The following SLC25A13 variants were observed in gnomAD, a reference collection of about 807,000 sequenced individuals.
SLC25A13 encodes solute carrier family 25 member 13.
Under a neutral mutation model 85.5 loss-of-function variants are expected in SLC25A13, and 70 were observed. That is an observed-to-expected ratio of 0.82 (90% CI 0.68 to 1.00). SLC25A13 has a LOEUF of 1.00. Ranked by LOEUF, SLC25A13 falls within the 50% of genes least tolerant of loss-of-function variation. The pLI, the probability that SLC25A13 is intolerant of heterozygous loss-of-function variation, is 0.00. For missense variants in SLC25A13, 765 were observed against 819.8 expected (o/e 0.93, Z 0.82); for synonymous variants, 259 against 288.7 (o/e 0.90, Z 1.04).
chr7:96,302,771 G>A (rs1799598074), intron 1 of SLC25A13, among the ~76,000 whole-genome samples: 1 of 152,124 alleles, frequency 6.6e-6, no homozygotes, highest in Non-Finnish European at 1.5e-5. Flanking sequence ...AAAGTGTGGA[G>A]ACCATCAGCA....
chr7:96,234,491 T>C (rs1796670550), intron 4 of SLC25A13, among the ~76,000 whole-genome samples: 1 of 151,976 alleles, frequency 6.6e-6, no homozygotes, highest in Non-Finnish European at 1.5e-5. Context: ...GCACTACTGA[T>C]GATGCAGGGA....
intron 2 of SLC25A13, among the ~76,000 whole-genome samples, chr7:96,291,279 A>C (rs1272500966): frequency 6.6e-6 from 1 of 152,218 alleles, no homozygotes. Context: ...CATTTAAAGC[A>C]GTGTGTAGAG....
intron 8 of SLC25A13, 64 bp from the exon 9 acceptor site, chr7:96,189,442 T>C: frequency 6.4e-7 from 1 of 1,567,562 alleles, no homozygotes; most frequent in South Asian, 1.1e-5. Flanking sequence ...CATTATAAAA[T>C]TTAAAAACAT....
At chr7:96,234,658 A>G (rs545683926) in intron 4 of SLC25A13, 144 bp downstream of exon 4, 1 of 633,102 alleles carries the variant, frequency 1.6e-6, no homozygotes, top group Non-Finnish European at 2.8e-6. Context: ...GAGCTCCAAA[A>G]CATTGAAGTA....
chr7:96,215,419 C>G (rs1469059945), intron 4 of SLC25A13, among the ~76,000 whole-genome samples: 3 of 152,050 alleles, frequency 2.0e-5, no homozygotes, highest in African/African-American at 7.2e-5. Flanking sequence ...AAGCTTACTA[C>G]AAAGCTAGAG....
chr7:96,242,368 C>G (rs1421324597), intron 3 of SLC25A13, among the ~76,000 whole-genome samples: 9 of 152,182 alleles, frequency 5.9e-5, no homozygotes, highest in Non-Finnish European at 1.3e-4. Context: ...TATAGCTCTT[C>G]TCTTTCCCGC....
intron 3 of SLC25A13, among the ~76,000 whole-genome samples, chr7:96,269,808 C>T (rs1474828022): frequency 6.6e-6 from 1 of 152,186 alleles, no homozygotes; most frequent in Non-Finnish European, 1.5e-5. Flanking sequence ...TCACTTGTGA[C>T]AATATGGATG....
At chr7:96,161,595 C>G (rs900206407) in intron 13 of SLC25A13, among the ~76,000 whole-genome samples, 1 of 152,132 alleles carries the variant, frequency 6.6e-6, no homozygotes, top group Non-Finnish European at 1.5e-5. Flanking sequence ...TGTCTCAGTT[C>G]AGCCATTTAC....
chr7:96,209,727 G>A (rs927290671), intron 4 of SLC25A13, among the ~76,000 whole-genome samples: 3 of 151,968 alleles, frequency 2.0e-5, no homozygotes, highest in African/African-American at 7.2e-5. Flanking sequence ...AGGACTGACA[G>A]AGAAAAAACA....
At chr7:96,205,581 C>A (rs571955066) in intron 5 of SLC25A13, among the ~76,000 whole-genome samples, 1 of 152,310 alleles carries the variant, frequency 6.6e-6, no homozygotes, top group African/African-American at 2.4e-5. Flanking sequence ...AAGAAGACTA[C>A]AGGAAGGAGG....
intron 5 of SLC25A13, among the ~76,000 whole-genome samples, chr7:96,194,442 C>CAAAAAAAAAA (rs546248549): frequency 0.052 from 1,448 of 27,676 alleles, 353 homozygotes; most frequent in East Asian, 0.15. Flanking sequence ...AACCTTGTCT[C>CAAAAAAAAAA]AAAAAAAAAA....
chr7:96,239,611 C>T (rs769333731), intron 3 of SLC25A13, among the ~76,000 whole-genome samples: 11 of 152,006 alleles, frequency 7.2e-5, no homozygotes, highest in Non-Finnish European at 1.6e-4. Context: ...ATCTAAGGAA[C>T]AGTATTTGCC....
chr7:96,235,972 G>A (rs1796726234), intron 3 of SLC25A13, among the ~76,000 whole-genome samples: 1 of 152,130 alleles, frequency 6.6e-6, no homozygotes, highest in Non-Finnish European at 1.5e-5. Flanking sequence ...ATGATACATT[G>A]AGATACTCCA....
chr7:96,241,037 GGAAA>G (rs200466951), intron 3 of SLC25A13, among the ~76,000 whole-genome samples: 12,690 of 80,632 alleles, frequency 0.16, 1,323 homozygotes, highest in East Asian at 0.2. Context: ...AAGAAAGAAA[GGAAA>G]GAAAGAAAGA....
intron 4 of SLC25A13, among the ~76,000 whole-genome samples, chr7:96,213,208 A>G (rs1795769409): frequency 6.6e-6 from 1 of 152,178 alleles, no homozygotes; most frequent in African/African-American, 2.4e-5. Context: ...ATGAATAGAA[A>G]CATCTATAAA....
intron 3 of SLC25A13, among the ~76,000 whole-genome samples, chr7:96,241,915 G>A (rs1201424729): frequency 6.6e-6 from 1 of 152,180 alleles, no homozygotes; most frequent in East Asian, 1.9e-4. Flanking sequence ...CTCAGCAGAG[G>A]CTTAGACCCC....
chr7:96,266,951 A>G (rs1016521440), intron 3 of SLC25A13, among the ~76,000 whole-genome samples: 1 of 152,226 alleles, frequency 6.6e-6, no homozygotes, highest in Non-Finnish European at 1.5e-5. Flanking sequence ...GCTATTGATT[A>G]TTATCAAGGT....
intron 2 of SLC25A13, among the ~76,000 whole-genome samples, chr7:96,278,237 G>A (rs1180117089): frequency 6.6e-6 from 1 of 152,132 alleles, no homozygotes; most frequent in Non-Finnish European, 1.5e-5. Flanking sequence ...ACAAAGCAGT[G>A]GTTTGGGGAC....
intron 5 of SLC25A13, among the ~76,000 whole-genome samples, chr7:96,198,539 GATT>G (rs1354773775): frequency 1.3e-5 from 2 of 152,190 alleles, no homozygotes; most frequent in Non-Finnish European, 2.9e-5. Flanking sequence ...GTGAAGTAAT[GATT>G]ATTATCTTCA....
Sources: allele counts gnomAD v4.1 joint callset (sites outside exome capture counted in the v4.1 genomes callset), GRCh38; gene constraint gnomAD v4.1.1; transcripts MANE v1.5; gene names NCBI Gene and HGNC (gene_info 2026-07-23, HGNC 2026-07-21).